Variants in PRLR observed in about 807,000 individuals in gnomAD.
The protein encoded by PRLR is hPRL receptor.
PRLR carries 13 observed loss-of-function variants against 40.2 expected under a neutral mutation model. The ratio of observed to expected loss-of-function variants is 0.32; its 90% CI spans 0.21 to 0.51. PRLR has a LOEUF of 0.51. Among genes scored for constraint, PRLR ranks in the 20% least tolerant of loss-of-function variants. The probability of loss-of-function intolerance (pLI) is 0.97; values close to 1 mark genes in which losing one functional copy is unlikely to be tolerated. For synonymous variants in PRLR, 269 were observed against 278.7 expected, an observed-to-expected ratio of 0.97 and a Z score of 0.35; for missense variants, 656 against 747.3, an observed-to-expected ratio of 0.88 and a Z score of 1.42.
intron 2 of PRLR, among the ~76,000 whole-genome samples, chr5:35,117,460 AG>A (rs911587260): frequency 6.6e-5 from 10 of 152,140 alleles, no homozygotes; most frequent in Non-Finnish European, 1.0e-4. Context: ...GAGGGAAGTC[AG>A]GGGGCTTGGT....
chr5:35,049,489 G>A lies in PRLR; in HGVS notation c.1010-81C>T, dbSNP rs564321727. 1.9e-4 allele frequency: 126 copies of A among 647,086 alleles called. 1 individual carries two copies. The South Asian group carries it at 2.2e-3, about 11-fold the overall frequency. The allele number at this position is 647,086 out of a possible 1,614,324, so 40.1% of individuals were successfully genotyped here. ...AGGTTATACCTCTTTTATTTAAAAAGAAAATAAATTATTCGGATTACCATA... is the reference window on the plus strand; with the variant it reads ...AGGTTATACCTCTTTTATTTAAAAAAAAAATAAATTATTCGGATTACCATA... On this transcript the variant is annotated intron_variant, in intron 8 of 8. Transcript: ENST00000231423.
intron 1 of PRLR, among the ~76,000 whole-genome samples, chr5:35,183,202 C>T (rs949413131): frequency 6.6e-6 from 1 of 152,186 alleles, no homozygotes; most frequent in African/African-American, 2.4e-5. Context: ...ACCTTATAAG[C>T]TCATTTCACT....
intron 1 of PRLR, among the ~76,000 whole-genome samples, chr5:35,213,315 G>A (rs1776213909): frequency 6.6e-6 from 1 of 152,168 alleles, no homozygotes; most frequent in Non-Finnish European, 1.5e-5. Context: ...TTCAGCTGAT[G>A]ATTTCCCAAA....
At chr5:35,074,108 T>C (rs1406643218) in intron 5 of PRLR, among the ~76,000 whole-genome samples, 1 of 152,188 alleles carries the variant, frequency 6.6e-6, no homozygotes, top group Non-Finnish European at 1.5e-5. Flanking sequence ...ATGGCAGCAC[T>C]ATTTATAATA....
At chr5:35,112,925 G>A (rs894986208) in intron 2 of PRLR, among the ~76,000 whole-genome samples, 3 of 152,158 alleles carry the variant, frequency 2.0e-5, no homozygotes, top group Non-Finnish European at 4.4e-5. Flanking sequence ...GGCCCTTAGC[G>A]AGGCTGGTCT....
At chr5:35,200,133 G>A (rs909932438) in intron 1 of PRLR, among the ~76,000 whole-genome samples, 2 of 152,204 alleles carry the variant, frequency 1.3e-5, no homozygotes, top group Non-Finnish European at 2.9e-5. Context: ...GTCTCGCAGA[G>A]CCTCATTTCT....
intron 1 of PRLR, among the ~76,000 whole-genome samples, chr5:35,151,238 C>A (rs1484139053): frequency 6.6e-6 from 1 of 152,086 alleles, no homozygotes; most frequent in Non-Finnish European, 1.5e-5. Flanking sequence ...AGTGTGTGAT[C>A]CTCCATACTA....
chr5:35,096,042 AT>A (rs1771518201), intron 2 of PRLR, among the ~76,000 whole-genome samples: 1 of 152,212 alleles, frequency 6.6e-6, no homozygotes. Flanking sequence ...TGATGGCTGC[AT>A]TTGGTGAGAG....
At chr5:35,184,823 C>T (rs973164938) in intron 1 of PRLR, among the ~76,000 whole-genome samples, 3 of 152,196 alleles carry the variant, frequency 2.0e-5, no homozygotes, top group African/African-American at 7.2e-5. Context: ...ATCCACAAGG[C>T]AGCTGTGAAG....
At chr5:35,188,679 G>A (rs1775513489) in intron 1 of PRLR, among the ~76,000 whole-genome samples, 1 of 152,184 alleles carries the variant, frequency 6.6e-6, no homozygotes, top group Non-Finnish European at 1.5e-5. Flanking sequence ...TATGGCTTAA[G>A]CCCTGACCAA....
chr5:35,086,248 C>T lies in PRLR; in HGVS notation c.163G>A (p.Gly55Arg), dbSNP rs777136718. The change falls in exon 4 of 10, where the codon GGA becomes AGA. Residue 55 changes from glycine (G) to arginine (R), a missense_variant. By Grantham distance (125) the Gly-to-Arg change is moderately radical (BLOSUM62 -2). This residue lies in a region of PRLR where 180 missense variants were observed against 236.8 expected (regional missense o/e 0.76). Transcript: ENST00000618457. ...TCWWRPGTDG[G>R]LPTNYSLTYH... ...GTCAGTGAATAATTGGTAGGAAGTCCTCCATCTGTCCCAGGCCTCCACCAG... is the reference window on the plus strand; with the variant it reads ...GTCAGTGAATAATTGGTAGGAAGTCTTCCATCTGTCCCAGGCCTCCACCAG... 1 of 1,614,060 alleles carries T rather than the reference C, an allele frequency of 6.2e-7. No homozygotes were observed. The highest frequency in any genetic ancestry group is 1.1e-5 in the South Asian group (1 of 91,076).
At chr5:35,188,286 C>T (rs1285547258) in intron 1 of PRLR, among the ~76,000 whole-genome samples, 5 of 135,138 alleles carry the variant, frequency 3.7e-5, no homozygotes, top group Non-Finnish European at 6.3e-5. Context: ...CATAAAAGAT[C>T]AACATACCTT....
intron 9 of PRLR, among the ~76,000 whole-genome samples, chr5:35,066,663 A>G (rs1579563759): frequency 7.6e-6 from 1 of 131,148 alleles, no homozygotes; most frequent in African/African-American, 2.9e-5. Context: ...CCCCTTCATC[A>G]CCCTATTCCA....
intron 5 of PRLR, among the ~76,000 whole-genome samples, chr5:35,073,889 T>C (rs1769904842): frequency 6.6e-6 from 1 of 152,100 alleles, no homozygotes; most frequent in Non-Finnish European, 1.5e-5. Flanking sequence ...AAATGAAACA[T>C]AACAAGTGTT....
intron 2 of PRLR, among the ~76,000 whole-genome samples, chr5:35,102,733 G>C (rs1479652847): frequency 1.3e-5 from 2 of 151,972 alleles, no homozygotes; most frequent in Non-Finnish European, 2.9e-5. Context: ...AGTAGAGATG[G>C]GGTTTCACCA....
At chr5:35,127,226 G>A (rs2111757587) in intron 1 of PRLR, among the ~76,000 whole-genome samples, 1 of 152,366 alleles carries the variant, frequency 6.6e-6, no homozygotes, top group Admixed American at 6.5e-5. Context: ...ACACTCAGCT[G>A]TGAACTTGTC....
rs1775935653 is a variant in PRLR at position 35,203,562 on chromosome 5, T to C, written c.-106+26706A>G. Among the ~76,000 whole-genome samples, 3 of 152,152 alleles carry C rather than the reference T, an allele frequency of 2.0e-5. No homozygotes were observed. In the South Asian group the frequency reaches 6.2e-4, roughly 32 times the overall value. On this transcript the variant is annotated intron_variant, in intron 1 of 9. Transcript: ENST00000618457. ...TTTGGACCCAATGTCATTCTTCCTA[T>C]CTGTGGCCTGAAGGAGAGGGGTAGA...
intron 8 of PRLR, among the ~76,000 whole-genome samples, chr5:35,050,449 G>T (rs1339852727): frequency 6.6e-6 from 1 of 152,176 alleles, no homozygotes; most frequent in Non-Finnish European, 1.5e-5. Context: ...CCTTTGAGCA[G>T]ATCAGGTATA....
intron 1 of PRLR, among the ~76,000 whole-genome samples, chr5:35,214,970 T>A (rs1776251246): frequency 6.6e-6 from 1 of 152,216 alleles, no homozygotes; most frequent in South Asian, 2.1e-4. Context: ...TCCCTGCTGA[T>A]GCCCAGATGC....
Sources: allele counts gnomAD v4.1 joint callset (sites outside exome capture counted in the v4.1 genomes callset), GRCh38; gene constraint gnomAD v4.1.1; regional missense constraint gnomAD v4.1.1; transcripts MANE v1.5; gene names NCBI Gene and HGNC (gene_info 2026-07-23, HGNC 2026-07-21).